The following SLC4A4 variants were observed in gnomAD, a reference collection of about 807,000 sequenced individuals.
SLC4A4 encodes electrogenic sodium bicarbonate cotransporter 1.
Under a neutral mutation model 111.5 loss-of-function variants are expected in SLC4A4, and 27 were observed. The observed-to-expected ratio is 0.24, with a 90% confidence interval of 0.18 to 0.33. The LOEUF (loss-of-function observed/expected upper bound fraction) is 0.33, where lower values mean the gene tolerates loss of function less well. Ranked by LOEUF, SLC4A4 falls within the 10% of genes least tolerant of loss-of-function variation. The pLI is 1.00. For synonymous variants in SLC4A4, 443 were observed against 463.4 expected (o/e 0.96, Z 0.57); for missense variants, 909 against 1,315.5 (o/e 0.69, Z 4.78).
intron 3 of SLC4A4, among the ~76,000 whole-genome samples, chr4:71,332,445 CTT>C (rs1217439953): frequency 5.8e-5 from 8 of 136,868 alleles, no homozygotes; most frequent in South Asian, 2.3e-4. Flanking sequence ...TGTGTATTTT[CTT>C]TTTTTTTTTT....
intron 3 of SLC4A4, among the ~76,000 whole-genome samples, chr4:71,259,548 G>T (rs570025643): frequency 4.6e-5 from 7 of 152,098 alleles, no homozygotes; most frequent in African/African-American, 1.7e-4. Context: ...AGAGACAAGG[G>T]AATGAGGAGG....
chr4:71,442,568 A>G lies in SLC4A4; in HGVS notation c.965+1795A>G, dbSNP rs576281663. Among the ~76,000 whole-genome samples the G allele has an allele frequency of 3.9e-5, 6 of 152,292 alleles. No individual in the cohort carries two copies. The East Asian group carries it at 1.2e-3, about 29-fold the overall frequency. On this transcript the variant is annotated intron_variant, in intron 8 of 25. Coordinates refer to ENST00000264485, the MANE Select transcript of SLC4A4 (RefSeq NM_001098484.3). ...ACAGTGGCTGCATCCTGTGAAATCC[A>G]ATAAAGGAAATCCCACAAGGAATGT...
chr4:71,532,384 C>T (rs143626332), intron 17 of SLC4A4, among the ~76,000 whole-genome samples: 10 of 152,114 alleles, frequency 6.6e-5, no homozygotes, highest in Admixed American at 6.6e-4. Context: ...TTTAAAACAA[C>T]TGATAATACT....
At chr4:71,264,609 T>A (rs917509305) in intron 3 of SLC4A4, among the ~76,000 whole-genome samples, 2 of 152,078 alleles carry the variant, frequency 1.3e-5, no homozygotes, top group African/African-American at 4.8e-5. Context: ...GCAGTTTCTA[T>A]AACTAGAAAT....
rs12500874 is a variant in SLC4A4, at chr4:71,463,009, C to T, written c.1498-3435C>T. ...CTGAGGTGAAGTGACATTTCTAAGA[C>T]CATCAGCTCTCTTTGGCAGAACGGA... is the stretch of plus-strand genomic sequence containing the variant. On this transcript the variant is annotated intron_variant, in intron 12 of 25. Coordinates refer to ENST00000264485, the MANE Select transcript of SLC4A4 (RefSeq NM_001098484.3). Among the ~76,000 whole-genome samples the T allele has an allele frequency of 1.8e-3, 271 of 152,250 alleles. 5 individuals carry two copies. The highest frequency in any genetic ancestry group is 0.016 in the Admixed American group (238 of 15,296).
At chr4:71,494,630 G>A (rs1387136416) in intron 15 of SLC4A4, among the ~76,000 whole-genome samples, 3 of 151,934 alleles carry the variant, frequency 2.0e-5, no homozygotes, top group Non-Finnish European at 4.4e-5. Flanking sequence ...TGTTCTTAAA[G>A]TTCTGATTTA....
intron 23 of SLC4A4, among the ~76,000 whole-genome samples, chr4:71,563,284 A>G (rs1578194549): frequency 6.6e-6 from 1 of 151,856 alleles, no homozygotes; most frequent in Admixed American, 6.6e-5. Context: ...AAGAGAGGAA[A>G]GTTTATTTTC....
At chr4:71,101,860 A>G (rs11731667) in intron 2 of SLC4A4, among the ~76,000 whole-genome samples, 151,762 of 151,768 alleles carry the variant, frequency 1, 75,878 homozygotes, top group Non-Finnish European at 1. Context: ...AAAACGCAGA[A>G]CGCCTCTCCT....
At chr4:71,321,093 T>C (rs1432581002) in intron 3 of SLC4A4, among the ~76,000 whole-genome samples, 1 of 152,032 alleles carries the variant, frequency 6.6e-6, no homozygotes, top group Non-Finnish European at 1.5e-5. Context: ...GTAGAATGCA[T>C]AAGTTTATTT....
intron 2 of SLC4A4, among the ~76,000 whole-genome samples, chr4:71,142,020 G>T (rs1744011281): frequency 6.6e-6 from 1 of 152,132 alleles, no homozygotes; most frequent in Non-Finnish European, 1.5e-5. Flanking sequence ...TTAGAGTGGG[G>T]AATACAAAAT....
intron 2 of SLC4A4, among the ~76,000 whole-genome samples, chr4:71,102,718 GC>G (rs1742792634): frequency 6.7e-6 from 1 of 150,310 alleles, no homozygotes; most frequent in Non-Finnish European, 1.5e-5. Context: ...ACAAGCAAAT[GC>G]TGAGAGATTT....
chr4:71,141,887 G>C (rs1289243421), intron 2 of SLC4A4, among the ~76,000 whole-genome samples: 2 of 152,204 alleles, frequency 1.3e-5, no homozygotes, highest in Non-Finnish European at 2.9e-5. Context: ...ATAGAAGAAT[G>C]AATAAGGAAG....
intron 1 of SLC4A4, among the ~76,000 whole-genome samples, chr4:71,064,245 T>G (rs945789099): frequency 6.6e-6 from 1 of 152,220 alleles, no homozygotes; most frequent in Non-Finnish European, 1.5e-5. Flanking sequence ...TGAACCTCAA[T>G]TCTTCATCAG....
At chr4:71,132,731 C>T (rs772898661) in intron 2 of SLC4A4, among the ~76,000 whole-genome samples, 1 of 152,206 alleles carries the variant, frequency 6.6e-6, no homozygotes, top group African/African-American at 2.4e-5. Context: ...ACAGCTTTAC[C>T]AGCTGTGTGC....
intron 3 of SLC4A4, among the ~76,000 whole-genome samples, chr4:71,290,000 G>A (rs970418655): frequency 1.3e-5 from 2 of 152,210 alleles, no homozygotes; most frequent in Non-Finnish European, 2.9e-5. Flanking sequence ...TAAGGGTGGA[G>A]AAAGTATTAG....
chr4:71,536,680 G>A (rs1469202714), intron 18 of SLC4A4, among the ~76,000 whole-genome samples: 8 of 149,816 alleles, frequency 5.3e-5, no homozygotes, highest in Admixed American at 5.3e-4. Context: ...ATTTTTAGTA[G>A]AGACGGGTTT....
intron 18 of SLC4A4, among the ~76,000 whole-genome samples, chr4:71,544,257 T>C (rs1735311877): frequency 6.6e-6 from 1 of 152,054 alleles, no homozygotes; most frequent in Admixed American, 6.6e-5. Context: ...TGAGGGTTAA[T>C]TTAAGCCTTA....
intron 1 of SLC4A4, among the ~76,000 whole-genome samples, chr4:71,197,424 T>C (rs1746057574): frequency 6.6e-6 from 1 of 152,238 alleles, no homozygotes; most frequent in Admixed American, 6.5e-5. Context: ...TTGATATGAC[T>C]GTATTTGATC....
chr4:71,509,132 C>A (rs903144612), intron 16 of SLC4A4, among the ~76,000 whole-genome samples: 2 of 152,118 alleles, frequency 1.3e-5, no homozygotes, highest in Non-Finnish European at 2.9e-5. Context: ...TATGACAAAC[C>A]CACAGCCAAT....
Sources: allele counts gnomAD v4.1 joint callset (sites outside exome capture counted in the v4.1 genomes callset), GRCh38; gene constraint gnomAD v4.1.1; transcripts MANE v1.5; gene names NCBI Gene and HGNC (gene_info 2026-07-23, HGNC 2026-07-21).